Variants in FRA10AC1 observed in about 807,000 individuals in gnomAD.
FRA10AC1 encodes protein FRA10AC1.
Under a neutral mutation model 56.5 loss-of-function variants are expected in FRA10AC1, and 43 were observed. That is an observed-to-expected ratio of 0.76 (90% CI 0.60 to 0.98). The LOEUF is 0.98. Among genes scored for constraint, FRA10AC1 ranks in the 50% least tolerant of loss-of-function variants. FRA10AC1 has a pLI of 0.00. For missense variants in FRA10AC1, 346 were observed against 351.8 expected (o/e 0.98, Z 0.13); for synonymous variants, 112 against 110.5 (o/e 1.01, Z -0.09).
chr10:93,692,617 G>C (rs1218472661), intron 6 of FRA10AC1, 29 bp downstream of exon 6: 4 of 1,362,442 alleles, frequency 2.9e-6, no homozygotes, highest in Non-Finnish European at 4.2e-6. Flanking sequence ...TAAAGCATTT[G>C]ATGCATTACG....
intron 9 of FRA10AC1, 82 bp downstream of exon 9, chr10:93,685,164 A>T: frequency 1.4e-6 from 1 of 706,564 alleles, no homozygotes. Flanking sequence ...TAAAAATTGC[A>T]TTTGAATTTT....
At chr10:93,684,215 A>G in intron 9 of FRA10AC1, 117 bp from the exon 10 acceptor site, 2 of 697,748 alleles carry the variant, frequency 2.9e-6, no homozygotes, top group Admixed American at 2.4e-5. Flanking sequence ...GGGTAAACAA[A>G]CAATCCAAAG....
chr10:93,685,560 G>T, intron 8 of FRA10AC1: 18 of 381,998 alleles, frequency 4.7e-5, no homozygotes, highest in East Asian at 9.9e-5. Context: ...ATCAGTCACA[G>T]AATTCTTGCT....
In FRA10AC1 at chr10:93,669,785, T is replaced by A. The variant is rs368737198; in HGVS notation, c.*41A>T. ...AAATTGCATGAAGTTTAAAACTTCA[T>A]GAAGTTTCACATTAAGGAGCGGAGG... On this transcript the variant is annotated 3_prime_UTR_variant, in exon 14 of 14. Transcript: ENST00000359204. The A allele has an allele frequency of 7.4e-6, 10 of 1,354,292 alleles. No homozygotes were observed. In the African/African-American group the frequency reaches 1.5e-4, roughly 20 times the overall value. 83.9% of individuals were successfully genotyped at this position (1,354,292 alleles called of 1,614,324 possible). A position where few individuals can be genotyped will look rare whatever the true frequency, so the allele number is the denominator to read the frequency against.
upstream of FRA10AC1, among the ~76,000 whole-genome samples, chr10:93,702,844 A>G (rs2059367524): frequency 1.3e-5 from 2 of 151,806 alleles, no homozygotes; most frequent in African/African-American, 4.8e-5. Context: ...CTCTCATTTG[A>G]AAATATATTT....
At chr10:93,691,048 GT>G (rs199895198) in intron 7 of FRA10AC1, among the ~76,000 whole-genome samples, 1,803 of 152,066 alleles carry the variant, frequency 0.012, 26 homozygotes, top group African/African-American at 0.037. Context: ...TTTTAAATAG[GT>G]TTTTTTCTTA....
chr10:93,682,660 C>T (rs552303133), intron 10 of FRA10AC1, among the ~76,000 whole-genome samples: 2 of 152,074 alleles, frequency 1.3e-5, no homozygotes, highest in African/African-American at 4.8e-5. Flanking sequence ...AAAAAATTAT[C>T]CAGGTTTGGT....
intron 5 of FRA10AC1, among the ~76,000 whole-genome samples, chr10:93,694,024 C>T (rs2059186190): frequency 6.6e-6 from 1 of 151,484 alleles, no homozygotes; most frequent in African/African-American, 2.4e-5. Context: ...GAAATCACCA[C>T]TAAAGAACTT....
chr10:93,687,967 A>C (rs2059060800), intron 7 of FRA10AC1: 2 of 152,206 alleles, frequency 1.3e-5, no homozygotes, highest in Non-Finnish European at 2.9e-5. Flanking sequence ...AATACATATG[A>C]AACACTTAGA....
At position 93,669,100 on chromosome 10, in the gene FRA10AC1, AAC is replaced by A. The variant is rs1303551356; in HGVS notation, c.*724_*725del. ...TAGGAAGTCAAATTTGATTATAACA[AAC>A]TCTCTTAAGTGGTAGAGGTTAAGAA... On this transcript the variant is annotated 3_prime_UTR_variant, in exon 14 of 14. Coordinates refer to ENST00000359204, the MANE Select transcript of FRA10AC1 (RefSeq NM_145246.5). 6.6e-6 allele frequency: 1 copy of A among 152,152 alleles called. No individual in the cohort carries two copies. The highest frequency in any genetic ancestry group is 1.9e-4 in the East Asian group (1 of 5,184). The allele number at this position is 152,152 out of a possible 1,614,324, so 9.4% of individuals were successfully genotyped here. A position where few individuals can be genotyped will look rare whatever the true frequency, so the allele number is the denominator to read the frequency against.
At chr10:93,687,546 AAATGT>A in intron 7 of FRA10AC1, 97 bp from the exon 8 acceptor site, 1 of 1,132,750 alleles carries the variant, frequency 8.8e-7, no homozygotes, top group Non-Finnish European at 1.2e-6. Flanking sequence ...CCTAAAAAAT[AAATGT>A]AATTCCCATC....
rs766179784 is a variant in FRA10AC1, at chr10:93,687,378, A to G, written c.511+26T>C. 4 of 1,451,572 alleles carry G rather than the reference A, an allele frequency of 2.8e-6. No individual in the cohort carries two copies. In the Admixed American group the frequency reaches 6.6e-5, roughly 24 times the overall value. The allele number at this position is 1,451,572 out of a possible 1,614,324, so 89.9% of individuals were successfully genotyped here. On this transcript the variant is annotated intron_variant, in intron 8 of 13. Transcript: ENST00000359204. ...CTTAACAAAATAAGTTTATCCTATT[A>G]AAAAGTAAAAATTTTAAAGAATTAC...
At chr10:93,702,711 G>A (rs2059365719), upstream of FRA10AC1, 1 of 246,364 alleles carries the variant, frequency 4.1e-6, no homozygotes, top group African/African-American at 2.3e-5. Context: ...CCCGGAAAGG[G>A]ACGAAGAGGC....
At chr10:93,671,038 G>A in intron 12 of FRA10AC1, 190 bp from the exon 13 acceptor site, 1 of 482,574 alleles carries the variant, frequency 2.1e-6, no homozygotes, top group Non-Finnish European at 3.7e-6. Context: ...GGTTACCAAA[G>A]AATCTCAGCA....
intron 11 of FRA10AC1, among the ~76,000 whole-genome samples, chr10:93,679,824 G>C (rs574698885): frequency 6.6e-6 from 1 of 152,178 alleles, no homozygotes. Context: ...AGAAAATATA[G>C]TGGTTTGTAG....
intron 9 of FRA10AC1, among the ~76,000 whole-genome samples, chr10:93,684,856 C>T (rs2058997871): frequency 6.6e-6 from 1 of 152,136 alleles, no homozygotes; most frequent in African/African-American, 2.4e-5. Flanking sequence ...TTTATTAATA[C>T]TGTGAAACAG....
upstream of FRA10AC1, chr10:93,702,611 G>A (rs947190794): frequency 9.3e-6 from 2 of 215,542 alleles, no homozygotes. Flanking sequence ...ACGGCCACGT[G>A]TTACATCTAA....
intron 4 of FRA10AC1, 116 bp from the exon 5 acceptor site, chr10:93,695,053 A>G (rs1352294147): frequency 3.1e-6 from 2 of 642,252 alleles, no homozygotes; most frequent in Non-Finnish European, 5.5e-6. Flanking sequence ...TTTTAAAAAT[A>G]TTCACACACT....
In FRA10AC1 at chr10:93,676,699, G is replaced by A. The variant is rs751571324; in HGVS notation, c.788-8C>T. 2 of 1,566,536 alleles carry A rather than the reference G, an allele frequency of 1.3e-6. No individual in the cohort carries two copies. The highest frequency in any genetic ancestry group is 2.0e-5 in the Admixed American group (1 of 49,390). The stretch of plus-strand genomic sequence containing the variant: ...TCTTTGAAGATGAATGTCCTGAAAA[G>A]GAAACATCATTGATTTATTAACTAT... On this transcript the variant is annotated splice_region_variant and splice_polypyrimidine_tract_variant and intron_variant, in intron 11 of 13. Transcript: ENST00000359204.
Sources: allele counts gnomAD v4.1 joint callset (sites outside exome capture counted in the v4.1 genomes callset), GRCh38; gene constraint gnomAD v4.1.1; transcripts MANE v1.5; gene names NCBI Gene and HGNC (gene_info 2026-07-23, HGNC 2026-07-21).